WDR64: variants seen among roughly 807,000 people sequenced by gnomAD.
WDR64 encodes the protein WD repeat domain 64, also known as WD repeat-containing protein 64.
In WDR64, 112 loss-of-function variants were observed where a neutral mutation model predicts 139.3. That is an observed-to-expected ratio of 0.80 (90% CI 0.69 to 0.94). The LOEUF (loss-of-function observed/expected upper bound fraction) is 0.94. Ranked by LOEUF, WDR64 falls within the 40% of genes least tolerant of loss-of-function variation. The probability of loss-of-function intolerance (pLI) is 0.00; values close to 1 mark genes in which losing one functional copy is unlikely to be tolerated. For synonymous variants in WDR64, 444 were observed against 437.7 expected (o/e 1.01, Z -0.18); for missense variants, 1,206 against 1,293.1 (o/e 0.93, Z 1.03).
Position 241,679,541 on chromosome 1 carries a change from C to A in WDR64, c.570C>A (p.Ala190=), listed in dbSNP as rs1666691680. Residue 190 remains alanine (A), a synonymous_variant, in exon 6 of 28, where the codon GCC becomes GCA. Transcript: ENST00000437684. ...DYLLQLKRIV[A]TTERTIIVWD... Reference sequence around the variant, plus strand: ...TCTTGCAGCTGAAACGAATCGTAGCCACAACCGAAAGGACCATTATTGTCT... The same window carrying A: ...TCTTGCAGCTGAAACGAATCGTAGCAACAACCGAAAGGACCATTATTGTCT... The A allele has an allele frequency of 3.2e-6, 5 of 1,551,832 alleles. No individual in the cohort carries two copies. The East Asian group carries it at 1.2e-4, about 38-fold the overall frequency.
At position 241,761,824 on chromosome 1, in the gene WDR64, G is replaced by A. The variant is rs539224019; in HGVS notation, c.1947+4365G>A. On this transcript the variant is annotated intron_variant, in intron 15 of 27. Transcript: ENST00000437684. ...AACTTTCTTTGCTCATCCATGAGAA[G>A]CAACTCCTCATCCATTCAAGTTTTA... 1.6e-4 allele frequency among the ~76,000 whole-genome samples: 24 copies of A among 152,292 alleles called. 1 individual carries two copies. The Middle Eastern group carries it at 0.017, about 108-fold the overall frequency.
At chr1:241,667,359 G>T (rs1376909207) in intron 2 of WDR64, among the ~76,000 whole-genome samples, 1 of 152,138 alleles carries the variant, frequency 6.6e-6, no homozygotes, top group Non-Finnish European at 1.5e-5. Context: ...GGTGTGACTG[G>T]CGGAATTCTG....
chr1:241,729,135 A>G (rs1668975475), intron 10 of WDR64, among the ~76,000 whole-genome samples: 1 of 152,184 alleles, frequency 6.6e-6, no homozygotes, highest in Non-Finnish European at 1.5e-5. Context: ...CTTCAAAGTC[A>G]CCTTTGATCC....
chr1:241,717,009 A>G (rs1668430200), intron 9 of WDR64, among the ~76,000 whole-genome samples: 1 of 152,194 alleles, frequency 6.6e-6, no homozygotes, highest in East Asian at 1.9e-4. Context: ...ATCATCCAGG[A>G]ATGATAATGC....
intron 25 of WDR64, among the ~76,000 whole-genome samples, chr1:241,792,498 T>C (rs1200184818): frequency 1.3e-5 from 2 of 151,924 alleles, no homozygotes; most frequent in African/African-American, 4.8e-5. Context: ...ATCGTGCCAC[T>C]GCACTCCAAC....
intron 10 of WDR64, among the ~76,000 whole-genome samples, chr1:241,736,262 G>C (rs1465815046): frequency 6.6e-6 from 1 of 152,086 alleles, no homozygotes; most frequent in Non-Finnish European, 1.5e-5. Flanking sequence ...TTTGGATCTA[G>C]GGAGATATAT....
intron 23 of WDR64, 82 bp from the exon 24 acceptor site, chr1:241,787,767 T>C: frequency 7.9e-7 from 1 of 1,269,790 alleles, no homozygotes; most frequent in Non-Finnish European, 1.1e-6. Context: ...CAGCGCTAAT[T>C]TACATAAACG....
At chr1:241,670,608 C>T (rs1233432067) in intron 2 of WDR64, among the ~76,000 whole-genome samples, 2 of 152,140 alleles carry the variant, frequency 1.3e-5, no homozygotes, top group Non-Finnish European at 2.9e-5. Context: ...GTCCTCAACC[C>T]CACCAGTCCA....
At chr1:241,792,510 T>C (rs1477698252) in intron 25 of WDR64, among the ~76,000 whole-genome samples, 1 of 152,000 alleles carries the variant, frequency 6.6e-6, no homozygotes, top group Non-Finnish European at 1.5e-5. Flanking sequence ...CACTCCAACC[T>C]TGGCGACAGA....
At chr1:241,690,461 ACT>A (rs954220014) in intron 8 of WDR64, among the ~76,000 whole-genome samples, 1 of 151,840 alleles carries the variant, frequency 6.6e-6, no homozygotes, top group East Asian at 1.9e-4. Flanking sequence ...ACAGAGGGAG[ACT>A]CTGTCAAAAA....
intron 10 of WDR64, among the ~76,000 whole-genome samples, chr1:241,733,111 A>G (rs1326061382): frequency 2.6e-5 from 4 of 152,134 alleles, no homozygotes; most frequent in Admixed American, 6.5e-5. Flanking sequence ...CACTTAATCA[A>G]CCTTATAGTT....
At position 241,690,738 on chromosome 1, in the gene WDR64, A is replaced by G. The variant is rs1164993901; in HGVS notation, c.974+3143A>G. ...GTATACCTGCTTTTCAAGAAAGGGT[A>G]AAAGAAGTTCTTCAGAGAGAAAGAA... On this transcript the variant is annotated intron_variant, in intron 8 of 27. Coordinates refer to ENST00000437684, the MANE Select transcript of WDR64 (RefSeq NM_001367482.1). 3.9e-5 allele frequency among the ~76,000 whole-genome samples: 6 copies of G among 152,178 alleles called. No individual in the cohort carries two copies. In the East Asian group the frequency reaches 1.2e-3, roughly 29 times the overall value.
At chr1:241,751,281 A>G (rs1215681763) in intron 14 of WDR64, among the ~76,000 whole-genome samples, 1 of 152,106 alleles carries the variant, frequency 6.6e-6, no homozygotes, top group Non-Finnish European at 1.5e-5. Context: ...TTTTTTTCCA[A>G]CTAAAAAGGG....
rs374221938 is a variant in WDR64, at chr1:241,653,710, A to AT, written c.145+1087dup. ...AGGCACCCACCACCACACCCGGCTA[A>AT]TTTTTTGTATTTTTAGTAGAGACGG... On this transcript the variant is annotated intron_variant, in intron 1 of 27. Coordinates refer to ENST00000437684, the MANE Select transcript of WDR64 (RefSeq NM_001367482.1). 2.2e-3 allele frequency among the ~76,000 whole-genome samples: 331 copies of AT among 151,698 alleles called. 3 individuals carry two copies. The highest frequency in any genetic ancestry group is 7.7e-3 in the African/African-American group (317 of 41,366).
chr1:241,761,828 C>A (rs1411176691), intron 15 of WDR64, among the ~76,000 whole-genome samples: 1 of 152,216 alleles, frequency 6.6e-6, no homozygotes, highest in African/African-American at 2.4e-5. Context: ...TGAGAAGCAA[C>A]TCCTCATCCA....
intron 6 of WDR64, among the ~76,000 whole-genome samples, chr1:241,683,042 A>G (rs1341187598): frequency 6.6e-6 from 1 of 152,156 alleles, no homozygotes; most frequent in African/African-American, 2.4e-5. Flanking sequence ...AATGCTAAAT[A>G]TTTCTGAATA....
chr1:241,755,575 T>G (rs1235549530), intron 14 of WDR64, among the ~76,000 whole-genome samples: 3 of 152,244 alleles, frequency 2.0e-5, no homozygotes, highest in Non-Finnish European at 2.9e-5. Context: ...TAGATCTTAT[T>G]TGTCAATTTT....
At chr1:241,722,252 A>G (rs1169892858) in intron 9 of WDR64, among the ~76,000 whole-genome samples, 1 of 152,204 alleles carries the variant, frequency 6.6e-6, no homozygotes, top group Admixed American at 6.6e-5. Flanking sequence ...CATAGCAAAC[A>G]TTTTAAATCA....
intron 2 of WDR64, among the ~76,000 whole-genome samples, chr1:241,662,740 C>A (rs1665877590): frequency 6.6e-6 from 1 of 152,102 alleles, no homozygotes; most frequent in Non-Finnish European, 1.5e-5. Context: ...ACCATAGAGA[C>A]TTACCAGAAA....
Sources: allele counts gnomAD v4.1 joint callset (sites outside exome capture counted in the v4.1 genomes callset), GRCh38; gene constraint gnomAD v4.1.1; transcripts MANE v1.5; gene names NCBI Gene and HGNC (gene_info 2026-07-23, HGNC 2026-07-21).